Variants in RCOR3 observed in about 807,000 individuals in gnomAD.
The protein encoded by RCOR3 is REST corepressor 3.
RCOR3 carries 13 observed loss-of-function variants against 64.1 expected under a neutral mutation model. The ratio of observed to expected loss-of-function variants is 0.20; its 90% CI spans 0.13 to 0.32. The LOEUF is 0.32. Among genes scored for constraint, RCOR3 ranks in the 10% least tolerant of loss-of-function variants. The pLI is 1.00. For synonymous variants in RCOR3, 215 were observed against 239.0 expected (o/e 0.90, Z 0.93); for missense variants, 489 against 701.2 (o/e 0.70, Z 3.42).
chr1:211,260,337 G>C (rs1389132135), intron 2 of RCOR3, among the ~76,000 whole-genome samples, 173 bp downstream of exon 2: 1 of 152,202 alleles, frequency 6.6e-6, no homozygotes, highest in Admixed American at 6.5e-5. Context: ...GGGCGTGTGG[G>C]CAGATGTGTG....
In RCOR3 at chr1:211,278,138, A is replaced by G; in HGVS notation, c.538A>G (p.Ser180Gly). Residue 180 changes from serine to glycine, a missense_variant, in exon 6 of 12, where the codon AGC (serine) becomes GGC (glycine). Physicochemically the swap from Ser to Gly is moderately conservative, Grantham distance 56 (BLOSUM62 0). Around this residue, in one of 2 missense-constraint regions of RCOR3, gnomAD observed 402 missense variants for 617.0 expected, o/e 0.65. Transcript: ENST00000419091. ...TAAGCTTCCAGATAAGACAATTGCAAGCCTTGTAAAATATTACTATTCTTG... is the reference window on the plus strand; with the variant it reads ...TAAGCTTCCAGATAAGACAATTGCAGGCCTTGTAAAATATTACTATTCTTG... ...QQMLPDKTIA[S>G]LVKYYYSWKK... 1 of 1,601,712 alleles carries G rather than the reference A, an allele frequency of 6.2e-7. No individual in the cohort carries two copies. The highest frequency in any genetic ancestry group is 8.5e-7 in the Non-Finnish European group (1 of 1,175,990).
At chr1:211,291,738 G>C (rs1699265174) in intron 8 of RCOR3, 1 of 353,038 alleles carries the variant, frequency 2.8e-6, no homozygotes, top group Non-Finnish European at 5.5e-6. Flanking sequence ...TGCTTCCTCT[G>C]CTTTCTTACC....
intron 7 of RCOR3, among the ~76,000 whole-genome samples, chr1:211,285,969 A>G (rs1322191984): frequency 2.0e-5 from 3 of 152,110 alleles, no homozygotes; most frequent in Non-Finnish European, 4.4e-5. Context: ...TTTATCTGTT[A>G]TGTTGATAGC....
chr1:211,260,750 G>T (rs1694113856), intron 2 of RCOR3, among the ~76,000 whole-genome samples: 1 of 152,080 alleles, frequency 6.6e-6, no homozygotes, highest in South Asian at 2.1e-4. Context: ...AAGGGGTGGG[G>T]GAAGGGGGTG....
In RCOR3 at chr1:211,313,568, C is replaced by T. The variant is rs1701700210; in HGVS notation, c.1462C>T (p.Arg488Trp). 6.2e-7 allele frequency: 1 copy of T among 1,614,114 alleles called. No individual in the cohort carries two copies. The highest frequency in any genetic ancestry group is 8.5e-7 in the Non-Finnish European group (1 of 1,180,030). The change falls in exon 12 of 12, where the codon CGG becomes TGG. Residue 488 changes from arginine (R) to tryptophan (W), a missense_variant. This residue lies in a region of RCOR3 where 402 missense variants were observed against 617.0 expected (regional missense o/e 0.65). Transcript: ENST00000419091. This position sits in a 1 kb window ranked among gnomAD's most constrained non-coding sequence, Gnocchi z 4.7. The part of the protein sequence containing the change: ...PTLPAAPALH[R>W]QPPPLQQQAR... ...ACTGCCTGCTGCCCCGGCTCTTCAC[C>T]GGCAGCCTCCTCCACTCCAGCAGCA...
In RCOR3 at chr1:211,259,430, CT is replaced by C; in HGVS notation, c.-130del. 2.3e-6 allele frequency: 2 copies of C among 875,722 alleles called. No individual in the cohort carries two copies. Among genetic ancestry groups the C allele is most frequent in the Non-Finnish European group, 3.4e-6 (2 of 587,204 alleles). 54.2% of individuals were successfully genotyped at this position (875,722 alleles called of 1,614,324 possible). A position where few individuals can be genotyped will look rare whatever the true frequency, so the allele number is the denominator to read the frequency against. On this transcript the variant is annotated 5_prime_UTR_variant, in exon 1 of 12. Coordinates refer to ENST00000419091, the MANE Select transcript of RCOR3 (RefSeq NM_001136223.3). The stretch of plus-strand genomic sequence containing the variant: ...GTTATGGCGGCTCCATATTAACAGC[CT>C]CCTCCTCCTCCGCCGCCGCCGCCGT...
chr1:211,261,929 A>AAAAAAAAC (rs1694357747), intron 2 of RCOR3, among the ~76,000 whole-genome samples: 1 of 147,524 alleles, frequency 6.8e-6, no homozygotes, highest in Non-Finnish European at 1.5e-5. Flanking sequence ...ATCTCAAAAA[A>AAAAAAAAC]AAAAAAAAAA....
intron 5 of RCOR3, among the ~76,000 whole-genome samples, chr1:211,276,835 C>G (rs764044158): frequency 6.6e-6 from 1 of 151,986 alleles, no homozygotes; most frequent in Non-Finnish European, 1.5e-5. Flanking sequence ...CGCCTGTAAT[C>G]CAGCACTTTG....
In RCOR3 at chr1:211,310,880, G is replaced by A. The variant is rs375715868; in HGVS notation, c.1076-1840G>A. Among the ~76,000 whole-genome samples the A allele has an allele frequency of 1.4e-4, 21 of 152,204 alleles. No individual in the cohort carries two copies. In the South Asian group the frequency reaches 3.7e-3, roughly 27 times the overall value. ...ATTTAAGGTTTTCACTTCTAAACTCGTGTATTCAGTAGGTTTGGCCATTGC... is the reference window on the plus strand; with the variant it reads ...ATTTAAGGTTTTCACTTCTAAACTCATGTATTCAGTAGGTTTGGCCATTGC... On this transcript the variant is annotated intron_variant, in intron 10 of 11. Coordinates refer to ENST00000419091, the MANE Select transcript of RCOR3 (RefSeq NM_001136223.3).
intron 5 of RCOR3, among the ~76,000 whole-genome samples, chr1:211,277,453 A>G (rs565961473): frequency 2.6e-5 from 4 of 152,222 alleles, no homozygotes; most frequent in Admixed American, 1.3e-4. Flanking sequence ...GCCTGTTTGC[A>G]TTATTTACCA....
At chr1:211,307,458 G>A (rs574841228) in intron 10 of RCOR3, among the ~76,000 whole-genome samples, 15 of 151,250 alleles carry the variant, frequency 9.9e-5, no homozygotes, top group African/African-American at 3.4e-4. Context: ...TCCAGCCTGG[G>A]CAGCAGAGCG....
chr1:211,313,048 A>G lies in RCOR3; in HGVS notation c.1317+87A>G, dbSNP rs2102685125. ...TCTGTAAGGTTAATTTGTCAAGAGG[A>G]CTAGCTAAATTGAGCATGAAAGGTT... is the stretch of plus-strand genomic sequence containing the variant. On this transcript the variant is annotated intron_variant, in intron 11 of 11. Transcript: ENST00000419091. This position sits in a 1 kb window ranked among gnomAD's most constrained non-coding sequence, Gnocchi z 4.7. 6.3e-7 allele frequency: 1 copy of G among 1,595,330 alleles called. No homozygotes were observed. The highest frequency in any genetic ancestry group is 1.7e-5 in the Admixed American group (1 of 58,248).
At chr1:211,293,398 A>G (rs1466501192) in intron 8 of RCOR3, among the ~76,000 whole-genome samples, 2 of 152,198 alleles carry the variant, frequency 1.3e-5, no homozygotes, top group African/African-American at 4.8e-5. Context: ...GTCTGGCCCC[A>G]GTCTAACTTC....
chr1:211,261,815 G>A (rs950011447), intron 2 of RCOR3, among the ~76,000 whole-genome samples: 2 of 148,474 alleles, frequency 1.3e-5, no homozygotes, highest in African/African-American at 2.5e-5. Flanking sequence ...CAGCTACTCG[G>A]GAGGCTGAGG....
chr1:211,272,963 C>T (rs985565562), intron 3 of RCOR3, among the ~76,000 whole-genome samples: 7 of 152,232 alleles, frequency 4.6e-5, no homozygotes, highest in South Asian at 4.1e-4. Flanking sequence ...GATTGTAATG[C>T]ATAGCCAGGT....
At chr1:211,309,227 T>C (rs78932203) in intron 10 of RCOR3, among the ~76,000 whole-genome samples, 4,288 of 152,194 alleles carry the variant, frequency 0.028, 79 homozygotes, top group South Asian at 0.073. Flanking sequence ...TAATTCAGAA[T>C]GTCTGATAAT....
chr1:211,306,459 T>G (rs1700862751), intron 10 of RCOR3, among the ~76,000 whole-genome samples: 1 of 152,186 alleles, frequency 6.6e-6, no homozygotes, highest in Admixed American at 6.5e-5. Context: ...TGTATAGCAC[T>G]TTATATTCAA....
chr1:211,305,975 T>C (rs898010747), intron 10 of RCOR3, among the ~76,000 whole-genome samples: 7 of 152,186 alleles, frequency 4.6e-5, no homozygotes, highest in Admixed American at 3.9e-4. Flanking sequence ...GGAGTTTGTA[T>C]GGAAGTATTG....
At chr1:211,286,301 A>G (rs981940713) in intron 7 of RCOR3, among the ~76,000 whole-genome samples, 23 of 130,600 alleles carry the variant, frequency 1.8e-4, no homozygotes, top group South Asian at 1.0e-3. Flanking sequence ...GGATGTTTCT[A>G]TATTTCTTTT....
Sources: gnomAD v4.1 joint callset for allele counts (sites outside exome capture counted in the v4.1 genomes callset) on GRCh38, gnomAD v4.1.1 for gene constraint, gnomAD v4.1.1 regional missense constraint, Gnocchi (gnomAD v3.1) non-coding constraint, MANE v1.5 for transcripts, NCBI Gene and HGNC (gene_info 2026-07-23, HGNC 2026-07-21) for gene names.